The following ERBB4 variants were observed in gnomAD, a reference collection of about 807,000 sequenced individuals.
ERBB4 encodes the protein erb-b2 receptor tyrosine kinase 4.
Under a neutral mutation model 158.0 loss-of-function variants are expected in ERBB4, and 42 were observed. That is an observed-to-expected ratio of 0.27 (90% confidence interval 0.21 to 0.34). ERBB4 has a LOEUF of 0.34. Ranked by LOEUF, ERBB4 falls within the 10% of genes least tolerant of loss-of-function variation. The pLI is 1.00. For missense variants in ERBB4, 1,333 were observed against 1,624.1 expected (o/e 0.82, Z 3.08); for synonymous variants, 583 against 558.7 (o/e 1.04, Z -0.61).
intron 1 of ERBB4, among the ~76,000 whole-genome samples, chr2:212,439,635 T>C (rs752022385): frequency 9.2e-5 from 14 of 152,196 alleles, no homozygotes; most frequent in Non-Finnish European, 1.6e-4. Context: ...ATATTAGTCA[T>C]GTATTATTAT....
intron 1 of ERBB4, among the ~76,000 whole-genome samples, chr2:212,337,526 G>A (rs1219943383): frequency 6.6e-6 from 1 of 152,038 alleles, no homozygotes; most frequent in Non-Finnish European, 1.5e-5. Context: ...CTATTACAAT[G>A]TCGATTACAC....
intron 1 of ERBB4, among the ~76,000 whole-genome samples, chr2:212,518,598 C>T (rs1237876181): frequency 1.3e-5 from 2 of 151,938 alleles, no homozygotes; most frequent in Non-Finnish European, 2.9e-5. Flanking sequence ...ATTTATGGTA[C>T]CACAAGCCCC....
chr2:212,034,044 G>A (rs923374364), intron 2 of ERBB4, among the ~76,000 whole-genome samples: 1 of 151,750 alleles, frequency 6.6e-6, no homozygotes, highest in African/African-American at 2.4e-5. Flanking sequence ...TAGACCCAAA[G>A]TCTTATTTCT....
chr2:212,268,506 T>C (rs1414700655), intron 1 of ERBB4, among the ~76,000 whole-genome samples: 2 of 151,922 alleles, frequency 1.3e-5, no homozygotes, highest in African/African-American at 4.8e-5. Flanking sequence ...AATGAAAAAA[T>C]TGCATTTTTG....
intron 1 of ERBB4, among the ~76,000 whole-genome samples, chr2:212,152,827 A>T (rs2080913817): frequency 6.6e-6 from 1 of 152,212 alleles, no homozygotes; most frequent in Non-Finnish European, 1.5e-5. Context: ...AATAGCACTT[A>T]GCTACTCCAG....
At chr2:211,454,731 GA>G (rs2064336081) in intron 20 of ERBB4, among the ~76,000 whole-genome samples, 1 of 152,170 alleles carries the variant, frequency 6.6e-6, no homozygotes, top group Non-Finnish European at 1.5e-5. Flanking sequence ...GATTGTAATT[GA>G]TGTTATTTAG....
chr2:211,495,759 T>C (rs796629233), intron 20 of ERBB4, among the ~76,000 whole-genome samples: 1 of 152,066 alleles, frequency 6.6e-6, no homozygotes, highest in Non-Finnish European at 1.5e-5. Context: ...CTAAAAATAA[T>C]CAGAGAAAAT....
At chr2:212,267,900 T>C (rs1289505685) in intron 1 of ERBB4, among the ~76,000 whole-genome samples, 1 of 151,870 alleles carries the variant, frequency 6.6e-6, no homozygotes, top group East Asian at 1.9e-4. Context: ...CTATTTATCA[T>C]ATTAGGTAAT....
chr2:211,651,510 A>C (rs1042915660), intron 16 of ERBB4, among the ~76,000 whole-genome samples: 3 of 152,208 alleles, frequency 2.0e-5, no homozygotes, highest in Non-Finnish European at 2.9e-5. Flanking sequence ...GCTGATGTGA[A>C]AGGATTTTGC....
chr2:211,428,434 G>C lies in ERBB4; in HGVS notation c.2693C>G (p.Thr898Ser), dbSNP rs1308973432. ...ATAGCTCCAAACGTCACTCTGATGG[G>C]TGAATTTCCTGTAATGTATACACTC... is the stretch of plus-strand genomic sequence containing the variant. ...ALECIHYRKF[T>S]HQSDVWSYGV... The change falls in exon 22 of 28, where the codon ACC (threonine) becomes AGC (serine). Residue 898 changes from threonine (T) to serine (S), a missense_variant. Physicochemically the swap from Thr to Ser is moderately conservative, Grantham distance 58. Transcript: ENST00000342788. 6.3e-7 allele frequency: 1 copy of C among 1,594,918 alleles called. No homozygotes were observed. The highest frequency in any genetic ancestry group is 2.2e-5 in the East Asian group (1 of 44,566).
Position 211,717,017 on chromosome 2 carries a change from A to G in ERBB4, c.884-3369T>C, listed in dbSNP as rs888354190. Reference sequence around the variant, plus strand: ...GGTGAATCACTATAAGGGCTATAGTAAAGAAAAGGGGAATTCTCTAATTCA... The same window carrying G: ...GGTGAATCACTATAAGGGCTATAGTGAAGAAAAGGGGAATTCTCTAATTCA... On this transcript the variant is annotated intron_variant, in intron 7 of 27. Coordinates refer to ENST00000342788, the MANE Select transcript of ERBB4 (RefSeq NM_005235.3). Among the ~76,000 whole-genome samples the G allele has an allele frequency of 3.9e-5, 6 of 152,212 alleles. No homozygotes were observed. The South Asian group carries it at 1.2e-3, about 32-fold the overall frequency.
At chr2:212,510,283 C>T (rs1691446563) in intron 1 of ERBB4, among the ~76,000 whole-genome samples, 1 of 148,678 alleles carries the variant, frequency 6.7e-6, no homozygotes, top group Non-Finnish European at 1.5e-5. Context: ...ATTTCCAATA[C>T]TATTGCACAA....
chr2:211,889,803 T>C (rs1327379962), intron 3 of ERBB4, among the ~76,000 whole-genome samples: 2 of 151,910 alleles, frequency 1.3e-5, no homozygotes, highest in African/African-American at 4.8e-5. Context: ...AGAAAGGGTA[T>C]CAGCAATGTA....
intron 1 of ERBB4, among the ~76,000 whole-genome samples, chr2:212,297,333 G>A (rs1426520940): frequency 6.7e-6 from 1 of 150,326 alleles, no homozygotes; most frequent in African/African-American, 2.4e-5. Context: ...ACGATTTGTT[G>A]TTGGATTACA....
rs142015779 is a variant in ERBB4 at position 212,401,402 on chromosome 2, G to C, written c.82+137047C>G. Among the ~76,000 whole-genome samples, 146 of 152,184 alleles carry C rather than the reference G, an allele frequency of 9.6e-4. 1 individual carries two copies. The highest frequency in any genetic ancestry group is 3.4e-3 in the African/African-American group (141 of 41,550). ...TGACTGGCCTCTAAATAAATGTTTT[G>C]ATTAGATATGCCTTCTCTACAAAAG... On this transcript the variant is annotated intron_variant, in intron 1 of 27. Coordinates refer to ENST00000342788, the MANE Select transcript of ERBB4 (RefSeq NM_005235.3).
intron 2 of ERBB4, among the ~76,000 whole-genome samples, chr2:211,980,027 G>T (rs764670982): frequency 6.6e-6 from 1 of 152,094 alleles, no homozygotes; most frequent in Non-Finnish European, 1.5e-5. Flanking sequence ...ATTCCTCAAC[G>T]TGACATTTAA....
chr2:211,677,471 G>A (rs4016512), intron 13 of ERBB4, among the ~76,000 whole-genome samples: 68,627 of 151,260 alleles, frequency 0.45, 16,438 homozygotes, highest in African/African-American at 0.55. Flanking sequence ...GCTGAGGCAC[G>A]AGAATTGCTT....
chr2:211,733,815 C>T (rs866150194), intron 5 of ERBB4, among the ~76,000 whole-genome samples: 1 of 151,412 alleles, frequency 6.6e-6, no homozygotes. Context: ...GGAGTGGTGG[C>T]TCACACCTAT....
At chr2:212,337,935 G>A (rs1574714935) in intron 1 of ERBB4, among the ~76,000 whole-genome samples, 1 of 152,022 alleles carries the variant, frequency 6.6e-6, no homozygotes, top group South Asian at 2.1e-4. Context: ...CTTCTCCGGG[G>A]ACTACAGCTT....
Sources: allele counts gnomAD v4.1 joint callset (sites outside exome capture counted in the v4.1 genomes callset), GRCh38; gene constraint gnomAD v4.1.1; transcripts MANE v1.5; gene names NCBI Gene and HGNC (gene_info 2026-07-23, HGNC 2026-07-21).